Variants in TRIM54 observed in about 807,000 individuals in gnomAD.
TRIM54 encodes tripartite motif containing 54, also known as tripartite motif-containing protein 54.
Under a neutral mutation model 42.0 loss-of-function variants are expected in TRIM54, and 40 were observed. The observed-to-expected ratio is 0.95, with a 90% CI of 0.74 to 1.24. The LOEUF (loss-of-function observed/expected upper bound fraction) is 1.24. Among genes scored for constraint, TRIM54 ranks in the 50% most tolerant of loss-of-function variants. The pLI, the probability that TRIM54 is intolerant of heterozygous loss-of-function variation, is 0.00. For synonymous variants in TRIM54, 199 were observed against 194.9 expected, an observed-to-expected ratio of 1.02 and a Z score of -0.17; for missense variants, 485 against 480.3, an observed-to-expected ratio of 1.01 and a Z score of -0.09.
rs140292566 is a variant in TRIM54 at position 27,282,877 on chromosome 2, A to T, written c.146A>T (p.Lys49Ile). Reference protein sequence around the residue: ...ILPCQHNLCRKCANDVFQASN... With the variant: ...ILPCQHNLCRICANDVFQASN... The stretch of plus-strand genomic sequence containing the variant: ...CCCTGCCAACACAACCTGTGCCGCA[A>T]ATGTGCCAACGACGTCTTCCAGGTG... Residue 49 changes from lysine to isoleucine, a missense_variant, in exon 1 of 9, where the codon AAA becomes ATA. Transcript: ENST00000380075. The T allele has an allele frequency of 1.2e-6, 2 of 1,613,336 alleles. No homozygotes were observed. The highest frequency in any genetic ancestry group is 2.7e-5 in the African/African-American group (2 of 74,940).
intron 1 of TRIM54, among the ~76,000 whole-genome samples, chr2:27,285,929 A>T (rs1197123887): frequency 6.6e-6 from 1 of 151,982 alleles, no homozygotes; most frequent in East Asian, 1.9e-4. Flanking sequence ...ATTTGAAAAC[A>T]ATTTATTTAA....
rs1275528357 is a variant in TRIM54, at chr2:27,298,668, C to G, written c.270C>G (p.His90Gln). ...GGCATGAGGTTGTCCTGGACAGACA[C>G]GGTGTCTACGGCCTGCAGCGAAACC... ...SCRHEVVLDR[H>Q]GVYGLQRNLL... The change falls in exon 2 of 9, where the codon CAC becomes CAG. Residue 90 changes from histidine (H) to glutamine (Q), a missense_variant. Physicochemically the swap from His to Gln is conservative, Grantham distance 24. Transcript: ENST00000380075. The G allele has an allele frequency of 3.7e-6, 6 of 1,614,068 alleles. No individual in the cohort carries two copies. Among genetic ancestry groups the G allele is most frequent in the Non-Finnish European group, 2.5e-6 (3 of 1,180,036 alleles).
chr2:27,282,803 C>G lies in TRIM54; in HGVS notation c.72C>G (p.Leu24=), dbSNP rs1235044718. 1 of 1,613,904 alleles carries G rather than the reference C, an allele frequency of 6.2e-7. No homozygotes were observed. Among genetic ancestry groups the G allele is most frequent in the South Asian group, 1.1e-5 (1 of 91,056 alleles). Residue 24 remains leucine, a synonymous_variant, in exon 1 of 9, where the codon CTC becomes CTG. Transcript: ENST00000380075. Reference sequence around the variant, plus strand: ...GCATGGACAACCTGGAGAAGCAGCTCATCTGCCCCATCTGCCTGGAGATGT... The same window carrying G: ...GCATGGACAACCTGGAGAAGCAGCTGATCTGCCCCATCTGCCTGGAGATGT... ...AHSMDNLEKQ[L]ICPICLEMFS... is the part of the protein sequence containing the mutation.
intron 1 of TRIM54, among the ~76,000 whole-genome samples, chr2:27,296,114 C>T (rs1678860134): frequency 6.6e-6 from 1 of 152,214 alleles, no homozygotes; most frequent in Admixed American, 6.5e-5. Context: ...ATAAGCTGCT[C>T]ACTTCACAGT....
intron 1 of TRIM54, among the ~76,000 whole-genome samples, chr2:27,286,866 C>T (rs553987319): frequency 3.9e-5 from 6 of 152,298 alleles, no homozygotes; most frequent in African/African-American, 1.2e-4. Flanking sequence ...TCATCAGGTA[C>T]AGGCCTGCCA....
chr2:27,305,762 T>C lies in TRIM54; in HGVS notation c.788T>C (p.Leu263Pro). ...GACCACCTGGAGGCCTCCTCTAAGC[T>C]GGTGGAGTCTGCCATCCAGTCCATG... ...YGDHLEASSK[L>P]VESAIQSMEE... Residue 263 changes from leucine to proline, a missense_variant, in exon 5 of 9, where the codon CTG becomes CCG. Leu to Pro is a moderately conservative substitution (Grantham distance 98). Transcript: ENST00000380075. 6.2e-7 allele frequency: 1 copy of C among 1,611,428 alleles called. No homozygotes were observed. The highest frequency in any genetic ancestry group is 8.5e-7 in the Non-Finnish European group (1 of 1,178,892).
Position 27,298,688 on chromosome 2 carries a change from G to T in TRIM54, c.290G>T (p.Arg97Leu). Residue 97 changes from arginine (R) to leucine (L), a missense_variant, in exon 2 of 9, where the codon CGA becomes CTA. Transcript: ENST00000380075. ...AGACACGGTGTCTACGGCCTGCAGC[G>T]AAACCTGCTAGTGGAGAACATTATC... Reference protein sequence around the residue: ...LDRHGVYGLQRNLLVENIIDI... With the variant: ...LDRHGVYGLQLNLLVENIIDI... 2 of 1,614,170 alleles carry T rather than the reference G, an allele frequency of 1.2e-6. No homozygotes were observed. Among genetic ancestry groups the T allele is most frequent in the Non-Finnish European group, 1.7e-6 (2 of 1,180,032 alleles).
At chr2:27,304,223 T>G (rs559236835) in intron 3 of TRIM54, among the ~76,000 whole-genome samples, 98 of 139,286 alleles carry the variant, frequency 7.0e-4, no homozygotes, top group East Asian at 1.7e-3. Context: ...AATATATATA[T>G]ATAGATAGAT....
chr2:27,302,567 G>A (rs560829966), intron 3 of TRIM54, among the ~76,000 whole-genome samples: 6 of 152,224 alleles, frequency 3.9e-5, no homozygotes, highest in South Asian at 2.1e-4. Flanking sequence ...CAAGGTGAAC[G>A]GATCACTTAA....
chr2:27,303,098 G>C (rs1313034882), intron 3 of TRIM54, among the ~76,000 whole-genome samples: 1 of 152,142 alleles, frequency 6.6e-6, no homozygotes, highest in Non-Finnish European at 1.5e-5. Flanking sequence ...ATCAGTGGGG[G>C]TGGGGAGGGG....
intron 3 of TRIM54, among the ~76,000 whole-genome samples, chr2:27,303,963 G>A (rs1300440353): frequency 7.9e-5 from 12 of 152,068 alleles, no homozygotes; most frequent in African/African-American, 1.2e-4. Context: ...CGGTAATCCC[G>A]ACACTTTGGG....
chr2:27,289,069 A>G (rs1439704254), intron 1 of TRIM54, among the ~76,000 whole-genome samples: 3 of 152,186 alleles, frequency 2.0e-5, no homozygotes, highest in Non-Finnish European at 4.4e-5. Context: ...ATGAAGATGT[A>G]TTAAGGAAGT....
At chr2:27,295,464 C>T (rs1267896281) in intron 1 of TRIM54, among the ~76,000 whole-genome samples, 2 of 152,128 alleles carry the variant, frequency 1.3e-5, no homozygotes, top group African/African-American at 2.4e-5. Context: ...CCTGCCACCG[C>T]ACCCAGCTAA....
intron 1 of TRIM54, among the ~76,000 whole-genome samples, chr2:27,294,807 T>G (rs1678817455): frequency 6.8e-6 from 1 of 147,382 alleles, no homozygotes; most frequent in Non-Finnish European, 1.5e-5. Context: ...GGGGAATCGC[T>G]TGAACCCAGG....
At position 27,294,763 on chromosome 2, in the gene TRIM54, G is replaced by A. The variant is rs939152841; in HGVS notation, c.169-3804G>A. ...AAATTAGCCGGACATAGTGGCAGGC[G>A]CCTGTAGTCCCAGCTGCTTGGGAGG... On this transcript the variant is annotated intron_variant, in intron 1 of 8. Coordinates refer to ENST00000380075, the MANE Select transcript of TRIM54 (RefSeq NM_187841.3). 7.3e-5 allele frequency among the ~76,000 whole-genome samples: 11 copies of A among 151,502 alleles called. 1 individual carries two copies. The East Asian group carries it at 1.2e-3, about 17-fold the overall frequency.
At chr2:27,295,362 A>G (rs1215466516) in intron 1 of TRIM54, among the ~76,000 whole-genome samples, 1 of 152,100 alleles carries the variant, frequency 6.6e-6, no homozygotes, top group Non-Finnish European at 1.5e-5. Flanking sequence ...GCTGGAGTGC[A>G]ATGGTATGAT....
chr2:27,289,172 C>T (rs879840755), intron 1 of TRIM54, among the ~76,000 whole-genome samples: 25 of 152,050 alleles, frequency 1.6e-4, no homozygotes, highest in Non-Finnish European at 2.9e-4. Context: ...TTGTGTGTGC[C>T]GTGGACCAAT....
rs1678943994 is a variant in TRIM54 at position 27,298,818 on chromosome 2, G to A, written c.341+79G>A. The A allele has an allele frequency of 3.4e-6, 5 of 1,480,186 alleles. 1 individual carries two copies. The highest frequency in any genetic ancestry group is 4.6e-6 in the Non-Finnish European group (5 of 1,082,266). 91.7% of individuals were successfully genotyped at this position (1,480,186 alleles called of 1,614,324 possible). On this transcript the variant is annotated intron_variant, in intron 2 of 8. Transcript: ENST00000380075. The stretch of plus-strand genomic sequence containing the variant: ...AGGAACCCATCAGAGCCAAAAGGGA[G>A]AGATTGAAACGGTCAACCTGCCTGT...
chr2:27,291,043 A>C (rs1678705803), intron 1 of TRIM54, among the ~76,000 whole-genome samples: 1 of 152,192 alleles, frequency 6.6e-6, no homozygotes, highest in Non-Finnish European at 1.5e-5. Flanking sequence ...CTATAATTTA[A>C]TAGTTCTATT....
Sources: allele counts gnomAD v4.1 joint callset (sites outside exome capture counted in the v4.1 genomes callset), GRCh38; gene constraint gnomAD v4.1.1; transcripts MANE v1.5; gene names NCBI Gene and HGNC (gene_info 2026-07-23, HGNC 2026-07-21).